SHCBP1: variants seen among roughly 807,000 people sequenced by gnomAD.
The protein encoded by SHCBP1 is SHC binding and spindle associated 1.
In SHCBP1, 60 loss-of-function variants were observed where a neutral mutation model predicts 75.1. The observed-to-expected ratio is 0.80, with a 90% CI of 0.65 to 0.99. The LOEUF is 0.99. SHCBP1 is among the 50% of genes least tolerant of loss of function. SHCBP1 has a pLI of 0.00. For synonymous variants in SHCBP1, 290 were observed against 293.2 expected (o/e 0.99, Z 0.11); for missense variants, 709 against 809.4 (o/e 0.88, Z 1.50).
chr16:46,602,930 C>T (rs1225251234), intron 8 of SHCBP1, among the ~76,000 whole-genome samples: 2 of 152,094 alleles, frequency 1.3e-5, no homozygotes, highest in Admixed American at 6.6e-5. Flanking sequence ...CACACCCAGC[C>T]CAAAAAGTTA....
intron 10 of SHCBP1, among the ~76,000 whole-genome samples, chr16:46,588,231 T>C (rs1479877368): frequency 3.3e-5 from 5 of 152,034 alleles, no homozygotes; most frequent in Non-Finnish European, 5.9e-5. Flanking sequence ...AGATCTAAAA[T>C]TGACACCCTA....
At chr16:46,591,184 G>A (rs917623748) in intron 10 of SHCBP1, among the ~76,000 whole-genome samples, 11 of 152,168 alleles carry the variant, frequency 7.2e-5, no homozygotes, top group African/African-American at 2.4e-4. Flanking sequence ...AGGGGAGCGG[G>A]GAGGGATAGC....
chr16:46,582,237 T>C (rs1015779249), intron 12 of SHCBP1, among the ~76,000 whole-genome samples, 183 bp from the exon 13 acceptor site: 2 of 152,208 alleles, frequency 1.3e-5, no homozygotes, highest in African/African-American at 4.8e-5. Context: ...GAATCACTTT[T>C]ACTCAACAGA....
Position 46,604,478 on chromosome 16 carries a change from A to G in SHCBP1, c.690-17T>C, listed in dbSNP as rs765491391. 5.1e-6 allele frequency: 8 copies of G among 1,568,868 alleles called. No individual in the cohort carries two copies. In the South Asian group the frequency reaches 7.8e-5, roughly 15 times the overall value. On this transcript the variant is annotated splice_polypyrimidine_tract_variant and intron_variant, in intron 5 of 12. Transcript: ENST00000303383. ...TCATAATGCCTGAAAGTTTAAAAGC[A>G]AAGTGAAATCCACTGCCTTTCAGGC... is the stretch of plus-strand genomic sequence containing the variant.
At chr16:46,605,593 T>TC (rs1330313760) in intron 5 of SHCBP1, among the ~76,000 whole-genome samples, 1 of 152,138 alleles carries the variant, frequency 6.6e-6, no homozygotes, top group Non-Finnish European at 1.5e-5. Context: ...AGACCCTGTC[T>TC]CAAAAAACAA....
chr16:46,607,901 T>C (rs1379469448), intron 5 of SHCBP1, among the ~76,000 whole-genome samples: 1 of 152,262 alleles, frequency 6.6e-6, no homozygotes, highest in Non-Finnish European at 1.5e-5. Context: ...AAGTCTTCTA[T>C]AATTCAAATA....
intron 3 of SHCBP1, among the ~76,000 whole-genome samples, chr16:46,617,116 T>C (rs539416248): frequency 2.0e-5 from 3 of 152,276 alleles, no homozygotes; most frequent in South Asian, 2.1e-4. Flanking sequence ...AATAAGACTG[T>C]TTTTACATTC....
chr16:46,617,469 T>C (rs1478825106), intron 3 of SHCBP1, among the ~76,000 whole-genome samples, 165 bp downstream of exon 3: 3 of 145,644 alleles, frequency 2.1e-5, no homozygotes, highest in African/African-American at 7.6e-5. Flanking sequence ...TCAGTTGCCT[T>C]TAAAATTTGC....
At chr16:46,604,198 A>G (rs1567449579) in intron 6 of SHCBP1, 30 bp downstream of exon 6, 4 of 1,612,536 alleles carry the variant, frequency 2.5e-6, no homozygotes, top group Admixed American at 1.7e-5. Context: ...AAAGATGCTG[A>G]CTAACTAAGA....
intron 4 of SHCBP1, 68 bp downstream of exon 4, chr16:46,615,878 A>G (rs1965488370): frequency 1.4e-6 from 2 of 1,480,770 alleles, no homozygotes; most frequent in East Asian, 2.3e-5. Context: ...TCTAACACAG[A>G]CCAGAATTAC....
chr16:46,590,589 G>A (rs560134188), intron 10 of SHCBP1, among the ~76,000 whole-genome samples: 1 of 152,326 alleles, frequency 6.6e-6, no homozygotes, highest in South Asian at 2.1e-4. Context: ...CCGGCCATCA[G>A]AGAAATGCAA....
chr16:46,592,283 C>G (rs55658937), intron 10 of SHCBP1, among the ~76,000 whole-genome samples: 11,013 of 151,922 alleles, frequency 0.072, 545 homozygotes, highest in Non-Finnish European at 0.11. Context: ...TACTATATAC[C>G]CTGCAGATAT....
chr16:46,594,694 A>G (rs940713989), intron 10 of SHCBP1, among the ~76,000 whole-genome samples: 4 of 152,222 alleles, frequency 2.6e-5, no homozygotes, highest in African/African-American at 7.2e-5. Context: ...TTAAAAAAAA[A>G]AAACCTAAAC....
chr16:46,606,281 G>A (rs918850787), intron 5 of SHCBP1, among the ~76,000 whole-genome samples: 1 of 152,068 alleles, frequency 6.6e-6, no homozygotes, highest in Non-Finnish European at 1.5e-5. Flanking sequence ...AAAATTTACT[G>A]CACAGTACAA....
intron 5 of SHCBP1, 55 bp from the exon 6 acceptor site, chr16:46,604,516 C>A: frequency 7.8e-7 from 1 of 1,277,722 alleles, no homozygotes; most frequent in Non-Finnish European, 1.1e-6. Context: ...ATTTTCCTAT[C>A]ATTAAAACAG....
At chr16:46,595,959 C>T (rs1254391321) in intron 9 of SHCBP1, among the ~76,000 whole-genome samples, 2 of 151,786 alleles carry the variant, frequency 1.3e-5, no homozygotes, top group South Asian at 2.1e-4. Flanking sequence ...CTGAGTATCT[C>T]GGAAGAAAAA....
intron 5 of SHCBP1, among the ~76,000 whole-genome samples, 175 bp downstream of exon 5, chr16:46,608,122 T>C (rs1005168079): frequency 6.6e-6 from 1 of 152,170 alleles, no homozygotes; most frequent in Non-Finnish European, 1.5e-5. Context: ...CAAGGGGTGG[T>C]ACAATTTGTA....
At chr16:46,617,770 G>A (rs765054917) in intron 2 of SHCBP1, 21 bp from the exon 3 acceptor site, 3 of 1,572,336 alleles carry the variant, frequency 1.9e-6, no homozygotes, top group African/African-American at 2.7e-5. Flanking sequence ...ATTAAACACA[G>A]GAAGAATTGA....
Position 46,616,811 on chromosome 16 carries a change from C to CG in SHCBP1, c.388-658dup, listed in dbSNP as rs532016858. Among the ~76,000 whole-genome samples, 245 of 151,960 alleles carry CG rather than the reference C, an allele frequency of 1.6e-3. No homozygotes were observed. The highest frequency in any genetic ancestry group is 2.6e-3 in the Non-Finnish European group (177 of 67,948). On this transcript the variant is annotated intron_variant, in intron 3 of 12. Transcript: ENST00000303383. The surrounding 1 kb of genome is among the most constrained non-coding windows in gnomAD (Gnocchi z 4.4). ...TCATTGTTTTCGGAGAACTGATTGG[C>CG]GGGGGGGCACTTATCATAACCAAAT...
Sources: gnomAD v4.1 joint callset for allele counts (sites outside exome capture counted in the v4.1 genomes callset) on GRCh38, gnomAD v4.1.1 for gene constraint, Gnocchi (gnomAD v3.1) non-coding constraint, MANE v1.5 for transcripts, NCBI Gene and HGNC (gene_info 2026-07-23, HGNC 2026-07-21) for gene names.